Variants in CYP4X1 observed in about 807,000 individuals in gnomAD.
CYP4X1 encodes the protein cytochrome P450 family 4 subfamily X member 1.
A neutral mutation model predicts 57.9 loss-of-function variants in CYP4X1; 44 were observed. That is an observed-to-expected ratio of 0.76 (90% CI 0.60 to 0.98). CYP4X1 has a LOEUF of 0.98. Among genes scored for constraint, CYP4X1 ranks in the 50% least tolerant of loss-of-function variants. CYP4X1 has a pLI of 0.00. For synonymous variants in CYP4X1, 227 were observed against 228.6 expected (o/e 0.99, Z 0.06); for missense variants, 532 against 623.9 (o/e 0.85, Z 1.57).
At chr1:46,982,367 C>T in the CYP4X1 span, among the ~76,000 whole-genome samples, 2 of 152,120 alleles carry the variant, frequency 1.3e-5, no homozygotes, top group African/African-American at 4.8e-5. Context: ...TTCTTTCTGT[C>T]ATCTCAGCCA....
upstream of CYP4X1, among the ~76,000 whole-genome samples, chr1:47,021,142 CAAAAA>C (rs546594827): frequency 9.9e-4 from 47 of 47,460 alleles, no homozygotes; most frequent in African/African-American, 3.5e-3. Flanking sequence ...GCAGGAATGC[CAAAAA>C]AAAAAAAAAA....
At chr1:47,037,105 G>A (rs1644192318) in intron 6 of CYP4X1, among the ~76,000 whole-genome samples, 1 of 151,974 alleles carries the variant, frequency 6.6e-6, no homozygotes, top group Admixed American at 6.6e-5. Context: ...TAATGTTTTT[G>A]TGCTTCATTG....
intron 11 of CYP4X1, 95 bp from the exon 12 acceptor site, chr1:47,049,905 T>G: frequency 7.9e-7 from 1 of 1,260,126 alleles, no homozygotes; most frequent in South Asian, 1.5e-5. Flanking sequence ...AATATCACTT[T>G]ACTGTGTACT....
the CYP4X1 span, among the ~76,000 whole-genome samples, chr1:47,007,501 A>G: frequency 6.6e-6 from 1 of 152,136 alleles, no homozygotes; most frequent in Non-Finnish European, 1.5e-5. Flanking sequence ...AAAACTGGAA[A>G]CTCTAAAAAT....
the CYP4X1 span, among the ~76,000 whole-genome samples, chr1:46,990,907 G>C: frequency 5.9e-5 from 9 of 152,158 alleles, no homozygotes; most frequent in African/African-American, 1.9e-4. Flanking sequence ...TTGGGGGCGG[G>C]GGGTTAGGAG....
Position 47,041,871 on chromosome 1 carries a change from GC to G in CYP4X1, c.1073+2340del, listed in dbSNP as rs1166459275. 2.6e-5 allele frequency among the ~76,000 whole-genome samples: 4 copies of G among 152,062 alleles called. No homozygotes were observed. The East Asian group carries it at 7.7e-4, about 29-fold the overall frequency. ...TCATTGCCAAGAATAATATCAAGAA[GC>G]TTTTCTCTATGTTTTTTTCTAGTAG... On this transcript the variant is annotated intron_variant, in intron 8 of 11. Coordinates refer to ENST00000371901, the MANE Select transcript of CYP4X1 (RefSeq NM_178033.2).
the CYP4X1 span, among the ~76,000 whole-genome samples, chr1:46,989,147 A>C: frequency 5.8e-4 from 89 of 152,222 alleles, no homozygotes; most frequent in African/African-American, 2.0e-3. Flanking sequence ...TATTTAGAAA[A>C]CCCCATCATC....
chr1:47,020,199 T>C (rs1472272450), upstream of CYP4X1, among the ~76,000 whole-genome samples: 3 of 152,218 alleles, frequency 2.0e-5, no homozygotes, highest in African/African-American at 7.2e-5. Flanking sequence ...TTCCACCATG[T>C]AGAATGCCCT....
At chr1:46,982,437 A>G in the CYP4X1 span, among the ~76,000 whole-genome samples, 3 of 152,194 alleles carry the variant, frequency 2.0e-5, no homozygotes, top group East Asian at 5.8e-4. Flanking sequence ...ATGTAGCGAG[A>G]CACTCTGGCT....
At chr1:47,040,689 G>A (rs1416349816) in intron 8 of CYP4X1, among the ~76,000 whole-genome samples, 1 of 151,914 alleles carries the variant, frequency 6.6e-6, no homozygotes, top group African/African-American at 2.4e-5. Flanking sequence ...ATATGTATGT[G>A]TGTATATATA....
chr1:46,989,816 T>A, the CYP4X1 span, among the ~76,000 whole-genome samples: 1 of 152,178 alleles, frequency 6.6e-6, no homozygotes, highest in Non-Finnish European at 1.5e-5. Flanking sequence ...ATTCCCTTAA[T>A]AAATGGTGCT....
chr1:47,033,028 C>G (rs559828902), intron 3 of CYP4X1, among the ~76,000 whole-genome samples: 1 of 152,220 alleles, frequency 6.6e-6, no homozygotes, highest in African/African-American at 2.4e-5. Flanking sequence ...AACTGTTTCT[C>G]ACAATATTAA....
At chr1:46,990,899 G>C in the CYP4X1 span, among the ~76,000 whole-genome samples, 1 of 152,048 alleles carries the variant, frequency 6.6e-6, no homozygotes. Context: ...GGGGCCTGTT[G>C]GGGGCGGGGG....
chr1:46,984,958 C>T, the CYP4X1 span, among the ~76,000 whole-genome samples: 1 of 142,794 alleles, frequency 7.0e-6, no homozygotes, highest in Non-Finnish European at 1.5e-5. Flanking sequence ...GATCCACTGA[C>T]TTGAAATTCT....
the CYP4X1 span, among the ~76,000 whole-genome samples, chr1:46,982,696 G>GT: frequency 6.6e-6 from 1 of 152,200 alleles, no homozygotes; most frequent in Non-Finnish European, 1.5e-5. Context: ...ATAATGGCCA[G>GT]TAGGTAGGCT....
intron 1 of CYP4X1, among the ~76,000 whole-genome samples, chr1:47,025,423 C>T (rs1278802993): frequency 6.6e-6 from 1 of 152,210 alleles, no homozygotes. Flanking sequence ...TACAGCAACA[C>T]AAATGTACTA....
In CYP4X1 at chr1:47,046,454, C is replaced by T. The variant is rs773032325; in HGVS notation, c.1074-13C>T. Reference sequence around the variant, plus strand: ...TATGATATCTGAGTCCCTTCCCTCCCTCATCCTCACAGGGACCAGCTGGGT... The same window carrying T: ...TATGATATCTGAGTCCCTTCCCTCCTTCATCCTCACAGGGACCAGCTGGGT... On this transcript the variant is annotated splice_polypyrimidine_tract_variant and intron_variant, in intron 8 of 11. Coordinates refer to ENST00000371901, the MANE Select transcript of CYP4X1 (RefSeq NM_178033.2). The T allele has an allele frequency of 1.2e-6, 2 of 1,613,848 alleles. No homozygotes were observed. The highest frequency in any genetic ancestry group is 1.1e-5 in the South Asian group (1 of 91,022).
the CYP4X1 span, among the ~76,000 whole-genome samples, chr1:46,968,752 A>C: frequency 6.6e-6 from 1 of 152,132 alleles, no homozygotes; most frequent in Non-Finnish European, 1.5e-5. Flanking sequence ...GAAGCACAGG[A>C]TGTGTTTCTA....
At chr1:46,962,833 T>C in the CYP4X1 span, among the ~76,000 whole-genome samples, 1 of 152,214 alleles carries the variant, frequency 6.6e-6, no homozygotes, top group Non-Finnish European at 1.5e-5. Context: ...CATTGATCTG[T>C]CTAATGTTGA....
Sources: gnomAD v4.1 joint callset for allele counts (sites outside exome capture counted in the v4.1 genomes callset) on GRCh38, gnomAD v4.1.1 for gene constraint, MANE v1.5 for transcripts, NCBI Gene and HGNC (gene_info 2026-07-23, HGNC 2026-07-21) for gene names.